Variants in PIK3R4 observed in about 807,000 individuals in gnomAD.
PIK3R4 encodes the protein phosphoinositide 3-kinase regulatory subunit 4.
In PIK3R4, 46 loss-of-function variants were observed where a neutral mutation model predicts 136.5. That is an observed-to-expected ratio of 0.34 (90% CI 0.27 to 0.43). The LOEUF (loss-of-function observed/expected upper bound fraction) is 0.43, where lower values mean the gene tolerates loss of function less well. Ranked by LOEUF, PIK3R4 falls within the 20% of genes least tolerant of loss-of-function variation. The pLI is 1.00. For synonymous variants in PIK3R4, 557 were observed against 566.7 expected (o/e 0.98, Z 0.24); for missense variants, 1,331 against 1,649.5 (o/e 0.81, Z 3.35).
At chr3:130,688,156 T>A (rs1003698436) in intron 14 of PIK3R4, among the ~76,000 whole-genome samples, 1 of 152,202 alleles carries the variant, frequency 6.6e-6, no homozygotes, top group Non-Finnish European at 1.5e-5. Context: ...CCAGAGTTCA[T>A]TCATCTGTAA....
chr3:130,725,670 A>G (rs527346660), intron 6 of PIK3R4, among the ~76,000 whole-genome samples: 1 of 152,180 alleles, frequency 6.6e-6, no homozygotes, highest in East Asian at 1.9e-4. Flanking sequence ...ATCAAGTTAA[A>G]GAACTAAGAA....
intron 13 of PIK3R4, among the ~76,000 whole-genome samples, chr3:130,694,300 G>A (rs1014681218): frequency 2.7e-5 from 4 of 150,824 alleles, no homozygotes; most frequent in African/African-American, 4.9e-5. Flanking sequence ...TCAGATCATC[G>A]ATTTCAGGGA....
Position 130,728,670 on chromosome 3 carries a change from G to A in PIK3R4, c.1600C>T (p.His534Tyr), listed in dbSNP as rs1237163323. Residue 534 changes from histidine to tyrosine, a missense_variant, in exon 6 of 20, where the codon CAT (histidine) becomes TAT (tyrosine). Physicochemically the swap from His to Tyr is moderately conservative, Grantham distance 83. Around this residue, in one of 2 missense-constraint regions of PIK3R4, gnomAD observed 1,180 missense variants for 1,407.0 expected, o/e 0.84. Transcript: ENST00000356763. The part of the protein sequence containing the change: ...GNYDTELQAL[H>Y]EMVQQKVVTL... ...ACAACTTTCTGCTGGACCATTTCAT[G>A]TAAGGCTTGGAGCTCTAAAAAAAAA... is the stretch of plus-strand genomic sequence containing the variant. The A allele has an allele frequency of 1.4e-6, 2 of 1,389,002 alleles. No individual in the cohort carries two copies. Among genetic ancestry groups the A allele is most frequent in the African/African-American group, 1.6e-5 (1 of 61,726 alleles). 86.0% of individuals were successfully genotyped at this position (1,389,002 alleles called of 1,614,324 possible).
intron 3 of PIK3R4, among the ~76,000 whole-genome samples, chr3:130,735,022 C>T (rs543239924): frequency 6.6e-6 from 1 of 152,158 alleles, no homozygotes; most frequent in East Asian, 1.9e-4. Flanking sequence ...AAAATGTATG[C>T]CCAAAGACAT....
rs371832458 is a variant in PIK3R4 at position 130,733,919 on chromosome 3, T to G, written c.1079A>C (p.His360Pro). Reference protein sequence around the residue: ...LGNIIHNLCGHDLPEKAEGEP... With the variant: ...LGNIIHNLCGPDLPEKAEGEP... Reference sequence around the variant, plus strand: ...TCCTTCGGCTTTTTCTGGCAGATCATGTCCACAGAGATTGTGAATAATGTT... The same window carrying G: ...TCCTTCGGCTTTTTCTGGCAGATCAGGTCCACAGAGATTGTGAATAATGTT... The change falls in exon 4 of 20, where the codon CAT becomes CCT. Residue 360 changes from histidine (H) to proline (P), a missense_variant. Physicochemically the swap from His to Pro is moderately conservative, Grantham distance 77. This residue lies in a region of PIK3R4 where 1,180 missense variants were observed against 1,407.0 expected (regional missense o/e 0.84). Coordinates refer to ENST00000356763, the MANE Select transcript of PIK3R4 (RefSeq NM_014602.3). 4 of 1,614,164 alleles carry G rather than the reference T, an allele frequency of 2.5e-6. No individual in the cohort carries two copies. The highest frequency in any genetic ancestry group is 3.3e-5 in the Admixed American group (2 of 60,028).
chr3:130,682,967 T>C (rs567837933), intron 16 of PIK3R4, among the ~76,000 whole-genome samples: 12 of 152,174 alleles, frequency 7.9e-5, no homozygotes, highest in Admixed American at 5.2e-4. Flanking sequence ...AGATATTACA[T>C]TAATAGGGGA....
intron 3 of PIK3R4, 130 bp downstream of exon 3, chr3:130,735,739 C>A: frequency 1.5e-6 from 1 of 665,632 alleles, no homozygotes; most frequent in South Asian, 2.5e-5. Flanking sequence ...TAACAAAAGG[C>A]TGTTTATATT....
intron 13 of PIK3R4, among the ~76,000 whole-genome samples, chr3:130,697,342 G>T (rs2066552030): frequency 1.3e-5 from 2 of 152,038 alleles, no homozygotes; most frequent in Admixed American, 6.6e-5. Context: ...AAAGTGCTTG[G>T]GATTACAGGC....
chr3:130,704,573 C>T (rs1267280931), intron 12 of PIK3R4, among the ~76,000 whole-genome samples: 3 of 152,060 alleles, frequency 2.0e-5, no homozygotes, highest in African/African-American at 7.2e-5. Flanking sequence ...TTCTCAATTT[C>T]AATTTTTATC....
intron 13 of PIK3R4, among the ~76,000 whole-genome samples, chr3:130,695,783 G>GTA (rs899113708): frequency 1.8e-4 from 27 of 152,244 alleles, no homozygotes; most frequent in African/African-American, 6.0e-4. Context: ...AAAAACCACA[G>GTA]TATACATAAG....
In PIK3R4 at chr3:130,728,686, T is replaced by TATA; in HGVS notation, c.1586-3_1586-2insTAT. The TATA allele has an allele frequency of 1.9e-6, 2 of 1,027,384 alleles. No homozygotes were observed. The highest frequency in any genetic ancestry group is 2.6e-6 in the Non-Finnish European group (2 of 770,272). 63.6% of individuals were successfully genotyped at this position (1,027,384 alleles called of 1,614,324 possible). On this transcript the variant is annotated splice_polypyrimidine_tract_variant and splice_region_variant and intron_variant, in intron 5 of 19. Coordinates refer to ENST00000356763, the MANE Select transcript of PIK3R4 (RefSeq NM_014602.3). The stretch of plus-strand genomic sequence containing the variant: ...CCATTTCATGTAAGGCTTGGAGCTC[T>TATA]AAAAAAAAAAAAAAAAGAAAGAAAG...
In PIK3R4 at chr3:130,681,604, AAGGCC is replaced by A. The variant is rs2066458803; in HGVS notation, c.3608-18_3608-14del. 1 of 1,505,604 alleles carries A rather than the reference AAGGCC, an allele frequency of 6.6e-7. No individual in the cohort carries two copies. Among genetic ancestry groups the A allele is most frequent in the Non-Finnish European group, 9.2e-7 (1 of 1,083,344 alleles). The allele number at this position is 1,505,604 out of a possible 1,614,324, so 93.3% of individuals were successfully genotyped here. A position where few individuals can be genotyped will look rare whatever the true frequency, so the allele number is the denominator to read the frequency against. On this transcript the variant is annotated splice_polypyrimidine_tract_variant and intron_variant, in intron 16 of 19. Transcript: ENST00000356763. ...TTGCCCTGAACAGCTAAAGGAAACA[AAGGCC>A]AGAATCTTGACTCAGACAAAAAGAG... is the stretch of plus-strand genomic sequence containing the variant.
intron 14 of PIK3R4, among the ~76,000 whole-genome samples, chr3:130,687,000 C>T (rs774506447): frequency 6.6e-6 from 1 of 151,788 alleles, no homozygotes; most frequent in Non-Finnish European, 1.5e-5. Context: ...GAGGGAGGAC[C>T]GGATGTTAGC....
intron 7 of PIK3R4, 135 bp downstream of exon 7, chr3:130,723,265 ACACATACACACATG>A: frequency 3.1e-6 from 2 of 646,042 alleles, no homozygotes; most frequent in Non-Finnish European, 2.6e-6. Flanking sequence ...ATGCACACAT[ACACATACACACATG>A]CACACCCACA....
chr3:130,711,998 T>C (rs2066635205), intron 9 of PIK3R4, among the ~76,000 whole-genome samples: 1 of 152,240 alleles, frequency 6.6e-6, no homozygotes, highest in South Asian at 2.1e-4. Flanking sequence ...TATTATTTAT[T>C]AGCACCTGAT....
At chr3:130,740,667 T>C (rs1470287259) in intron 2 of PIK3R4, among the ~76,000 whole-genome samples, 1 of 151,970 alleles carries the variant, frequency 6.6e-6, no homozygotes, top group Non-Finnish European at 1.5e-5. Flanking sequence ...GAGGTGGAAG[T>C]TGCAATGAGC....
At chr3:130,727,488 G>C (rs939680119) in intron 6 of PIK3R4, among the ~76,000 whole-genome samples, 4 of 152,140 alleles carry the variant, frequency 2.6e-5, no homozygotes, top group African/African-American at 9.7e-5. Flanking sequence ...CTCCCAAAGT[G>C]CTGGGATTAC....
chr3:130,719,071 T>C (rs548276581), intron 7 of PIK3R4, among the ~76,000 whole-genome samples: 2 of 152,152 alleles, frequency 1.3e-5, no homozygotes, highest in Non-Finnish European at 2.9e-5. Flanking sequence ...AAATCTAATA[T>C]ATAACTCACA....
rs141740732 is a variant in PIK3R4, at chr3:130,733,656, C to T, written c.1342G>A (p.Val448Ile). Residue 448 changes from valine to isoleucine, a missense_variant, in exon 4 of 20, where the codon GTC (valine) becomes ATC (isoleucine). This residue lies in a region of PIK3R4 where 1,180 missense variants were observed against 1,407.0 expected (regional missense o/e 0.84). Coordinates refer to ENST00000356763, the MANE Select transcript of PIK3R4 (RefSeq NM_014602.3). ...LRTLTKVLAL[V>I]KEVPRNDINI... ...ATATCATTACGAGGAACCTCTTTGACGAGAGCAAGAACTTTGGTCAACGTC... is the reference window on the plus strand; with the variant it reads ...ATATCATTACGAGGAACCTCTTTGATGAGAGCAAGAACTTTGGTCAACGTC... 2,247 of 1,614,044 alleles carry T rather than the reference C, an allele frequency of 1.4e-3. 47 individuals carry two copies. In the Admixed American group the frequency reaches 0.031, roughly 22 times the overall value.
Sources: allele counts gnomAD v4.1 joint callset (sites outside exome capture counted in the v4.1 genomes callset), GRCh38; gene constraint gnomAD v4.1.1; regional missense constraint gnomAD v4.1.1; transcripts MANE v1.5; gene names NCBI Gene and HGNC (gene_info 2026-07-23, HGNC 2026-07-21).